Variants in GALNT14 observed in about 807,000 individuals in gnomAD.
The protein encoded by GALNT14 is UDP-GalNAc:polypeptide N-acetylgalactosaminyltransferase 14.
Under a neutral mutation model 77.5 loss-of-function variants are expected in GALNT14, and 60 were observed. The ratio of observed to expected loss-of-function variants is 0.77; its 90% CI spans 0.63 to 0.96. GALNT14 has a LOEUF of 0.96. GALNT14 is among the 40% of genes least tolerant of loss of function. The pLI, the probability that GALNT14 is intolerant of heterozygous loss-of-function variation, is 0.00. For missense variants in GALNT14, 710 were observed against 731.0 expected (o/e 0.97, Z 0.33); for synonymous variants, 280 against 281.7 (o/e 0.99, Z 0.06).
At chr2:31,047,127 G>T (rs1673516760) in intron 1 of GALNT14, among the ~76,000 whole-genome samples, 1 of 152,170 alleles carries the variant, frequency 6.6e-6, no homozygotes, top group Admixed American at 6.5e-5. Flanking sequence ...GTGATTAGCA[G>T]GGGAGTGCAT....
At chr2:31,075,680 C>T (rs930762577) in intron 1 of GALNT14, among the ~76,000 whole-genome samples, 2 of 152,220 alleles carry the variant, frequency 1.3e-5, no homozygotes, top group African/African-American at 4.8e-5. Flanking sequence ...TTTACTCCAC[C>T]AGGACTGCCA....
At chr2:30,942,396 C>T in intron 8 of GALNT14, 92 bp from the exon 9 acceptor site, 1 of 905,146 alleles carries the variant, frequency 1.1e-6, no homozygotes, top group Non-Finnish European at 1.7e-6. Flanking sequence ...ACACCCATTT[C>T]CCATTTGGGG....
At chr2:31,082,070 T>A (rs1269871606) in intron 1 of GALNT14, among the ~76,000 whole-genome samples, 1 of 152,198 alleles carries the variant, frequency 6.6e-6, no homozygotes, top group Non-Finnish European at 1.5e-5. Flanking sequence ...CTTACCTAGT[T>A]GCAAATAATC....
intron 1 of GALNT14, among the ~76,000 whole-genome samples, chr2:31,086,219 G>C (rs1021005334): frequency 6.6e-6 from 1 of 152,144 alleles, no homozygotes; most frequent in Non-Finnish European, 1.5e-5. Flanking sequence ...ACTAAACCTT[G>C]GTCTTCAGGC....
At chr2:31,125,198 G>A (rs534035720) in intron 1 of GALNT14, 3 of 1,550,588 alleles carry the variant, frequency 1.9e-6, no homozygotes, top group East Asian at 4.9e-5. Context: ...GGGTGATACA[G>A]GCACCTGAGG....
intron 1 of GALNT14, among the ~76,000 whole-genome samples, chr2:31,007,287 T>C (rs1573143957): frequency 6.6e-6 from 1 of 152,172 alleles, no homozygotes; most frequent in African/African-American, 2.4e-5. Context: ...ATCTCAACAC[T>C]GGCCATCTCC....
intron 2 of GALNT14, among the ~76,000 whole-genome samples, chr2:30,968,462 C>T (rs1668141677): frequency 6.6e-6 from 1 of 152,208 alleles, no homozygotes; most frequent in African/African-American, 2.4e-5. Context: ...TCTGCCTTGG[C>T]CACTTGGAGG....
At chr2:31,103,499 A>ACACG (rs2148616363) in intron 1 of GALNT14, among the ~76,000 whole-genome samples, 1 of 152,136 alleles carries the variant, frequency 6.6e-6, no homozygotes, top group African/African-American at 2.4e-5. Flanking sequence ...AAACACACAC[A>ACACG]CACACACACA....
chr2:30,959,932 G>A lies in GALNT14; in HGVS notation c.399-1468C>T, dbSNP rs150534842. 5.0e-3 allele frequency among the ~76,000 whole-genome samples: 755 copies of A among 152,302 alleles called. 6 individuals are homozygous for A. The highest frequency in any genetic ancestry group is 0.016 in the African/African-American group (680 of 41,560). ...GGGGTTCAGAATGGGTGCAGGTGGA[G>A]GCGCTGTATGCAGCCCTCCTCCCAG... On this transcript the variant is annotated intron_variant, in intron 3 of 14. Transcript: ENST00000349752.
intron 1 of GALNT14, among the ~76,000 whole-genome samples, chr2:31,033,473 G>A (rs183632488): frequency 4.8e-4 from 73 of 151,998 alleles, no homozygotes; most frequent in African/African-American, 1.7e-3. Context: ...TTCCTTCCTC[G>A]TGATCCTCCA....
chr2:30,974,413 C>T (rs1342211856), intron 2 of GALNT14, among the ~76,000 whole-genome samples: 1 of 152,230 alleles, frequency 6.6e-6, no homozygotes, highest in Admixed American at 6.5e-5. Flanking sequence ...TCTTTCAATG[C>T]TGCTCAACTG....
chr2:31,133,044 A>G lies in GALNT14; in HGVS notation c.129+4914T>C, dbSNP rs900904380. 8.6e-5 allele frequency among the ~76,000 whole-genome samples: 13 copies of G among 151,914 alleles called. 1 individual carries two copies. In the East Asian group the frequency reaches 1.4e-3, roughly 16 times the overall value. ...AGGAAGAGGACAGCTTTGACTCCCC[A>G]TGATCTCATCTCCAACCCTACCAAT... On this transcript the variant is annotated intron_variant, in intron 1 of 14. Coordinates refer to ENST00000349752, the MANE Select transcript of GALNT14 (RefSeq NM_024572.4).
chr2:30,972,235 T>C (rs1350002764), intron 2 of GALNT14, among the ~76,000 whole-genome samples: 1 of 152,200 alleles, frequency 6.6e-6, no homozygotes, highest in African/African-American at 2.4e-5. Flanking sequence ...GAATTGACAA[T>C]GGCTCCGAAT....
chr2:30,964,659 C>T (rs1166111928), intron 3 of GALNT14, among the ~76,000 whole-genome samples: 1 of 152,206 alleles, frequency 6.6e-6, no homozygotes, highest in Non-Finnish European at 1.5e-5. Context: ...CCAAGGATGT[C>T]TAAACAGCAG....
At chr2:31,100,468 T>A (rs1406389297) in intron 1 of GALNT14, among the ~76,000 whole-genome samples, 1 of 152,032 alleles carries the variant, frequency 6.6e-6, no homozygotes, top group Admixed American at 6.6e-5. Context: ...TTCAGTTAAT[T>A]ATCTTTTGTT....
intron 1 of GALNT14, among the ~76,000 whole-genome samples, chr2:31,134,116 G>A (rs1015410399): frequency 6.6e-6 from 1 of 152,216 alleles, no homozygotes; most frequent in African/African-American, 2.4e-5. Context: ...GAGGAAAAGA[G>A]AACAAGGGCC....
At chr2:30,966,372 G>C in intron 2 of GALNT14, 70 bp from the exon 3 acceptor site, 1 of 1,140,426 alleles carries the variant, frequency 8.8e-7, no homozygotes, top group Non-Finnish European at 1.3e-6. Context: ...CTAGAACCGA[G>C]GGCATCTGGG....
chr2:31,041,361 A>C (rs1022475048), intron 1 of GALNT14, among the ~76,000 whole-genome samples: 3 of 152,304 alleles, frequency 2.0e-5, no homozygotes, highest in Admixed American at 6.5e-5. Context: ...CTGAAGACAG[A>C]GAAGGCTCTA....
chr2:31,029,137 T>C (rs1175140921), intron 1 of GALNT14, among the ~76,000 whole-genome samples: 1 of 152,040 alleles, frequency 6.6e-6, no homozygotes, highest in East Asian at 1.9e-4. Context: ...TGAGTTTGAG[T>C]TTCTGTTCTA....
Sources: gnomAD v4.1 joint callset for allele counts (sites outside exome capture counted in the v4.1 genomes callset) on GRCh38, gnomAD v4.1.1 for gene constraint, MANE v1.5 for transcripts, NCBI Gene and HGNC (gene_info 2026-07-23, HGNC 2026-07-21) for gene names.